The following FBXO11 variants were observed in gnomAD, a reference collection of about 807,000 sequenced individuals.
FBXO11 encodes F-box only protein 11.
In FBXO11, 13 loss-of-function variants were observed where a neutral mutation model predicts 117.0. The ratio of observed to expected loss-of-function variants is 0.11; its 90% CI spans 0.07 to 0.18. FBXO11 has a LOEUF of 0.18. Ranked by LOEUF, FBXO11 falls within the 10% of genes least tolerant of loss-of-function variation. The probability of loss-of-function intolerance (pLI) is 1.00; values close to 1 mark genes in which losing one functional copy is unlikely to be tolerated. For missense variants in FBXO11, 767 were observed against 1,164.4 expected, an observed-to-expected ratio of 0.66 and a Z score of 4.97; for synonymous variants, 490 against 380.5, an observed-to-expected ratio of 1.29 and a Z score of -3.35.
At chr2:47,900,961 A>G (rs1262217412) in intron 1 of FBXO11, among the ~76,000 whole-genome samples, 1 of 144,438 alleles carries the variant, frequency 6.9e-6, no homozygotes, top group Non-Finnish European at 1.5e-5. Context: ...AAAAATTGAA[A>G]TCATTCAGTA....
intron 1 of FBXO11, among the ~76,000 whole-genome samples, chr2:47,845,254 AATTC>A (rs944267536): frequency 2.0e-5 from 3 of 151,112 alleles, no homozygotes; most frequent in Admixed American, 6.7e-5. Context: ...GGTGCTAATT[AATTC>A]ATTTGCATCC....
intron 14 of FBXO11, among the ~76,000 whole-genome samples, 167 bp from the exon 15 acceptor site, chr2:47,819,245 C>G (rs1671211520): frequency 6.6e-6 from 1 of 152,148 alleles, no homozygotes; most frequent in Non-Finnish European, 1.5e-5. Context: ...GAAATGGAGT[C>G]TCGCTCTGTC....
intron 1 of FBXO11, among the ~76,000 whole-genome samples, chr2:47,901,883 ACTACTGTTT>A (rs1361397721): frequency 6.6e-6 from 1 of 152,220 alleles, no homozygotes; most frequent in Non-Finnish European, 1.5e-5. Context: ...CCAATCCCAC[ACTACTGTTT>A]CATTAAATCA....
At chr2:47,862,401 C>A (rs1360696929) in intron 1 of FBXO11, among the ~76,000 whole-genome samples, 1 of 152,102 alleles carries the variant, frequency 6.6e-6, no homozygotes, top group Non-Finnish European at 1.5e-5. Flanking sequence ...ATATGAAGAA[C>A]TGGAAAGGAA....
chr2:47,824,660 T>C (rs774206030), intron 11 of FBXO11, among the ~76,000 whole-genome samples: 4 of 152,204 alleles, frequency 2.6e-5, no homozygotes, highest in Non-Finnish European at 5.9e-5. Context: ...GTATACATTA[T>C]GTATAATCTC....
chr2:47,816,262 C>T (rs772077858), intron 16 of FBXO11, among the ~76,000 whole-genome samples: 6 of 152,170 alleles, frequency 3.9e-5, no homozygotes, highest in Non-Finnish European at 7.3e-5. Context: ...TCAGTGCCGC[C>T]TCGACTTCCT....
chr2:47,891,876 T>A (rs930564316), intron 1 of FBXO11, among the ~76,000 whole-genome samples: 3 of 152,212 alleles, frequency 2.0e-5, no homozygotes, highest in African/African-American at 7.2e-5. Flanking sequence ...TTAATGATGT[T>A]GAGTCTTTTT....
chr2:47,850,009 C>G (rs895105899), intron 1 of FBXO11, among the ~76,000 whole-genome samples: 1 of 152,126 alleles, frequency 6.6e-6, no homozygotes, highest in Non-Finnish European at 1.5e-5. Context: ...GCAAAAACAA[C>G]TGGAAATGAA....
intron 1 of FBXO11, among the ~76,000 whole-genome samples, chr2:47,859,847 G>T (rs2103734189): frequency 6.6e-6 from 1 of 152,020 alleles, no homozygotes; most frequent in Non-Finnish European, 1.5e-5. Context: ...ATTTTTTTGT[G>T]CTAGGATGAG....
chr2:47,859,993 T>C (rs1275632060), intron 1 of FBXO11, among the ~76,000 whole-genome samples: 1 of 152,202 alleles, frequency 6.6e-6, no homozygotes, highest in Non-Finnish European at 1.5e-5. Context: ...TGTTTCTAGC[T>C]GTCCATGGGC....
intron 1 of FBXO11, among the ~76,000 whole-genome samples, chr2:47,871,589 T>C (rs1010527164): frequency 6.6e-6 from 1 of 152,246 alleles, no homozygotes; most frequent in African/African-American, 2.4e-5. Flanking sequence ...TTTGAACATG[T>C]CTTCATAGGT....
chr2:47,869,863 A>G (rs561701938), intron 1 of FBXO11, among the ~76,000 whole-genome samples: 1 of 152,142 alleles, frequency 6.6e-6, no homozygotes, highest in Non-Finnish European at 1.5e-5. Context: ...TTTAGTAGAG[A>G]CAGGGGCTTC....
chr2:47,860,433 C>CAA (rs1393596864), intron 1 of FBXO11, among the ~76,000 whole-genome samples: 3 of 143,118 alleles, frequency 2.1e-5, no homozygotes, highest in Admixed American at 1.4e-4. Flanking sequence ...TTTTTGGAGA[C>CAA]AGAGTCTGGC....
intron 1 of FBXO11, among the ~76,000 whole-genome samples, chr2:47,861,964 G>A (rs1414768101): frequency 2.0e-5 from 3 of 151,744 alleles, no homozygotes; most frequent in African/African-American, 7.3e-5. Flanking sequence ...CCAGGCTGGA[G>A]TGCAGTGGCA....
chr2:47,857,067 G>A (rs1049112855), intron 1 of FBXO11, among the ~76,000 whole-genome samples: 1 of 152,154 alleles, frequency 6.6e-6, no homozygotes, highest in African/African-American at 2.4e-5. Context: ...TTTATGCACA[G>A]AAACTCATCT....
chr2:47,905,400 GCCCCCGCCCGCC>G (rs1293735830), intron 1 of FBXO11, 77 bp downstream of exon 1: 6 of 1,069,644 alleles, frequency 5.6e-6, no homozygotes, highest in Non-Finnish European at 6.8e-6. Context: ...CGCGCAGGCC[GCCCCCGCCCGCC>G]CGCCCGCCCG....
At chr2:47,825,717 C>G (rs1182315207) in intron 11 of FBXO11, among the ~76,000 whole-genome samples, 1 of 151,880 alleles carries the variant, frequency 6.6e-6, no homozygotes, top group Non-Finnish European at 1.5e-5. Flanking sequence ...GCTGAGACCA[C>G]GGGTGCATGG....
intron 1 of FBXO11, among the ~76,000 whole-genome samples, chr2:47,871,661 T>G (rs780777074): frequency 6.6e-6 from 1 of 152,218 alleles, no homozygotes; most frequent in African/African-American, 2.4e-5. Context: ...ATTTTTATAT[T>G]AGGGTGGCTA....
At chr2:47,861,561 A>G (rs945758742) in intron 1 of FBXO11, among the ~76,000 whole-genome samples, 2 of 152,120 alleles carry the variant, frequency 1.3e-5, no homozygotes, top group Admixed American at 6.5e-5. Flanking sequence ...GGCTCAAGCA[A>G]TCCTCCCATC....
Sources: allele counts gnomAD v4.1 joint callset (sites outside exome capture counted in the v4.1 genomes callset), GRCh38; gene constraint gnomAD v4.1.1; transcripts MANE v1.5; gene names NCBI Gene and HGNC (gene_info 2026-07-23, HGNC 2026-07-21).